Variants in LINGO2 observed in about 807,000 individuals in gnomAD.
LINGO2 encodes leucine rich repeat and Ig domain containing 2, also known as leucine-rich repeat and immunoglobulin-like domain-containing nogo receptor-interacting protein 2.
Under a neutral mutation model 30.6 loss-of-function variants are expected in LINGO2, and 14 were observed. The observed-to-expected ratio is 0.46, with a 90% CI of 0.30 to 0.72. LINGO2 has a LOEUF of 0.72. Ranked by LOEUF, LINGO2 falls within the 30% of genes least tolerant of loss-of-function variation. LINGO2 has a pLI of 0.07. For synonymous variants in LINGO2, 317 were observed against 288.5 expected (o/e 1.10, Z -1.00); for missense variants, 729 against 751.7 (o/e 0.97, Z 0.35).
At chr9:28,480,465 G>A (rs1825917490) in intron 1 of LINGO2, among the ~76,000 whole-genome samples, 1 of 152,012 alleles carries the variant, frequency 6.6e-6, no homozygotes, top group Non-Finnish European at 1.5e-5. Flanking sequence ...CACAAACATG[G>A]AAGTAAAATG....
intron 4 of LINGO2, among the ~76,000 whole-genome samples, chr9:28,050,346 G>A (rs1587769956): frequency 6.6e-6 from 1 of 150,750 alleles, no homozygotes; most frequent in East Asian, 2.0e-4. Flanking sequence ...TTTGGTTAAA[G>A]CCCCATATCT....
chr9:28,647,186 T>C (rs556761183), intron 1 of LINGO2, among the ~76,000 whole-genome samples: 5 of 152,202 alleles, frequency 3.3e-5, no homozygotes, highest in African/African-American at 1.2e-4. Flanking sequence ...TCAAAAATGA[T>C]ACGTAGAGAT....
At chr9:28,196,545 A>T (rs1320946525) in intron 4 of LINGO2, among the ~76,000 whole-genome samples, 1 of 151,976 alleles carries the variant, frequency 6.6e-6, no homozygotes, top group African/African-American at 2.4e-5. Context: ...CTTGACAAAA[A>T]TATGAATAAT....
At chr9:28,078,835 C>G (rs1825697017) in intron 4 of LINGO2, among the ~76,000 whole-genome samples, 1 of 137,386 alleles carries the variant, frequency 7.3e-6, no homozygotes, top group Non-Finnish European at 1.5e-5. Context: ...GCAACAAGAG[C>G]AAAACTCTGT....
chr9:28,457,610 C>G (rs774454621), intron 2 of LINGO2, among the ~76,000 whole-genome samples: 3 of 151,638 alleles, frequency 2.0e-5, no homozygotes, highest in Non-Finnish European at 4.4e-5. Flanking sequence ...TAAAAAAAAA[C>G]CCTAAGAGAT....
the LINGO2 span, among the ~76,000 whole-genome samples, chr9:28,889,922 A>G: frequency 2.6e-5 from 4 of 152,078 alleles, no homozygotes; most frequent in African/African-American, 4.8e-5. Context: ...TAGTTTGTTC[A>G]AATGAAAAAA....
intron 3 of LINGO2, among the ~76,000 whole-genome samples, chr9:28,339,955 T>C (rs1472352317): frequency 6.6e-6 from 1 of 152,190 alleles, no homozygotes; most frequent in African/African-American, 2.4e-5. Flanking sequence ...CCTCTAATGA[T>C]CTTGCAAAGC....
At chr9:29,150,090 A>G in the LINGO2 span, among the ~76,000 whole-genome samples, 1 of 152,220 alleles carries the variant, frequency 6.6e-6, no homozygotes, top group Non-Finnish European at 1.5e-5. Flanking sequence ...CATGTTGCTG[A>G]GTAGGAGCCC....
the LINGO2 span, among the ~76,000 whole-genome samples, chr9:29,085,534 T>C: frequency 6.6e-6 from 1 of 151,912 alleles, no homozygotes; most frequent in Non-Finnish European, 1.5e-5. Context: ...AAGTACTATA[T>C]CTAAATTTGA....
rs531309381 is a variant in LINGO2 at position 28,027,096 on chromosome 9, A to C, written c.-86-14691T>G. Among the ~76,000 whole-genome samples, 8 of 152,288 alleles carry C rather than the reference A, an allele frequency of 5.3e-5. 1 individual carries two copies. Among genetic ancestry groups the C allele is most frequent in the African/African-American group, 1.9e-4 (8 of 41,564 alleles). ...TGTTGTTGTTGCATCATAATACATT[A>C]CTAAACAGATGAAAGTCACTGAACA... is the stretch of plus-strand genomic sequence containing the variant. On this transcript the variant is annotated intron_variant, in intron 4 of 5. Transcript: ENST00000379992.
chr9:28,817,656 C>CCATT, the LINGO2 span, among the ~76,000 whole-genome samples: 1 of 152,018 alleles, frequency 6.6e-6, no homozygotes, highest in African/African-American at 2.4e-5. Context: ...GGTTAGGAGC[C>CCATT]CATTATAGAA....
At chr9:28,775,391 G>T in the LINGO2 span, among the ~76,000 whole-genome samples, 1 of 152,192 alleles carries the variant, frequency 6.6e-6, no homozygotes, top group Non-Finnish European at 1.5e-5. Flanking sequence ...CCCAAAGATA[G>T]TGGAAACTAT....
the LINGO2 span, among the ~76,000 whole-genome samples, chr9:28,822,948 T>G: frequency 3.3e-5 from 5 of 152,166 alleles, no homozygotes. Flanking sequence ...AAAAATATAC[T>G]TTTTTATGTT....
the LINGO2 span, among the ~76,000 whole-genome samples, chr9:29,088,766 A>G: frequency 1.4e-4 from 21 of 152,284 alleles, no homozygotes; most frequent in South Asian, 4.3e-3. Context: ...ATCTGAAAAA[A>G]TTATTTTGGA....
At chr9:29,201,025 T>C in the LINGO2 span, among the ~76,000 whole-genome samples, 14 of 152,028 alleles carry the variant, frequency 9.2e-5, no homozygotes, top group African/African-American at 3.1e-4. Context: ...ATCACCACAG[T>C]TGATGTTGAC....
chr9:29,132,095 A>G, the LINGO2 span, among the ~76,000 whole-genome samples: 2 of 151,900 alleles, frequency 1.3e-5, no homozygotes, highest in Non-Finnish European at 2.9e-5. Flanking sequence ...GCATGATGAG[A>G]GTCCCTTGAT....
chr9:28,388,495 G>A (rs1821691563), intron 2 of LINGO2, among the ~76,000 whole-genome samples: 1 of 152,082 alleles, frequency 6.6e-6, no homozygotes, highest in Non-Finnish European at 1.5e-5. Context: ...CTGTAATATG[G>A]CAATTTGTTT....
intron 4 of LINGO2, among the ~76,000 whole-genome samples, chr9:28,146,626 A>G (rs1398781725): frequency 6.6e-6 from 1 of 152,098 alleles, no homozygotes; most frequent in Non-Finnish European, 1.5e-5. Context: ...CAATTCTCCA[A>G]TAACAAGATG....
chr9:28,517,058 C>A (rs1023915258), intron 1 of LINGO2, among the ~76,000 whole-genome samples: 1 of 152,200 alleles, frequency 6.6e-6, no homozygotes, highest in Non-Finnish European at 1.5e-5. Context: ...TTAGGCCCTT[C>A]GTGCCTGGTA....
Sources: gnomAD v4.1 joint callset for allele counts (sites outside exome capture counted in the v4.1 genomes callset) on GRCh38, gnomAD v4.1.1 for gene constraint, MANE v1.5 for transcripts, NCBI Gene and HGNC (gene_info 2026-07-23, HGNC 2026-07-21) for gene names.